The following SEMA6D variants were observed in gnomAD, a reference collection of about 807,000 sequenced individuals.
SEMA6D encodes semaphorin 6D.
A neutral mutation model predicts 106.6 loss-of-function variants in SEMA6D; 35 were observed. That is an observed-to-expected ratio of 0.33 (90% CI 0.25 to 0.44). SEMA6D has a LOEUF of 0.44. Among genes scored for constraint, SEMA6D ranks in the 20% least tolerant of loss-of-function variants. The pLI is 1.00. For missense variants in SEMA6D, 1,185 were observed against 1,345.9 expected (o/e 0.88, Z 1.87); for synonymous variants, 499 against 487.7 (o/e 1.02, Z -0.31).
rs751535636 is a variant in SEMA6D at position 47,759,757 on chromosome 15, C to T, written c.-42C>T. 1 of 1,409,860 alleles carries T rather than the reference C, an allele frequency of 7.1e-7. No homozygotes were observed. The highest frequency in any genetic ancestry group is 1.0e-6 in the Non-Finnish European group (1 of 994,026). The allele number at this position is 1,409,860 out of a possible 1,614,324, so 87.3% of individuals were successfully genotyped here. ...TTCTGTTTTCCAGGTAGCTCAGTGG[C>T]ATTTCTGAGCAGGGGCCACCCTGAC... On this transcript the variant is annotated 5_prime_UTR_variant, in exon 2 of 19. Transcript: ENST00000536845.
chr15:47,579,140 ATTTTTTT>A (rs34862760), intron 3 of SEMA6D, among the ~76,000 whole-genome samples: 1 of 129,382 alleles, frequency 7.7e-6, no homozygotes. Context: ...AGAAATCTGT[ATTTTTTT>A]TTTTTTTTTT....
At chr15:47,281,225 A>G (rs1161760274) in intron 1 of SEMA6D, among the ~76,000 whole-genome samples, 21 of 133,794 alleles carry the variant, frequency 1.6e-4, no homozygotes, top group Non-Finnish European at 3.3e-4. Context: ...TATTGGGTGC[A>G]TATATATTTA....
chr15:47,328,958 A>G lies in SEMA6D; in HGVS notation c.-238-83435A>G, dbSNP rs190943735. 3.0e-4 allele frequency among the ~76,000 whole-genome samples: 45 copies of G among 152,352 alleles called. 1 individual carries two copies. The highest frequency in any genetic ancestry group is 1.8e-3 in the Admixed American group (28 of 15,300). On this transcript the variant is annotated intron_variant, in intron 1 of 19. Transcript: ENST00000558014. ...AAGACATAGTTCATTCATCACTATA[A>G]TAAACTTTAAGCTTCTTATTTTATG...
intron 1 of SEMA6D, among the ~76,000 whole-genome samples, chr15:47,231,079 C>T (rs2032160799): frequency 6.6e-6 from 1 of 151,900 alleles, no homozygotes; most frequent in Non-Finnish European, 1.5e-5. Context: ...CCTGGCCATT[C>T]GTCTCCTCCT....
chr15:47,352,903 A>G (rs2038382075), intron 1 of SEMA6D, among the ~76,000 whole-genome samples: 1 of 152,258 alleles, frequency 6.6e-6, no homozygotes, highest in Non-Finnish European at 1.5e-5. Flanking sequence ...CAAGGCTGAT[A>G]GAATTTCATG....
intron 1 of SEMA6D, among the ~76,000 whole-genome samples, chr15:47,187,280 G>A (rs945327933): frequency 2.0e-5 from 3 of 152,254 alleles, no homozygotes; most frequent in South Asian, 4.1e-4. Flanking sequence ...TTTCAAAATA[G>A]AAATGCTAGC....
At chr15:47,582,514 G>A (rs58582321) in intron 3 of SEMA6D, among the ~76,000 whole-genome samples, 198 of 152,320 alleles carry the variant, frequency 1.3e-3, no homozygotes, top group African/African-American at 4.0e-3. Context: ...AAAAGAGGCA[G>A]CTGCCTATAG....
At chr15:47,607,602 A>C (rs1051516536) in intron 4 of SEMA6D, among the ~76,000 whole-genome samples, 4 of 152,228 alleles carry the variant, frequency 2.6e-5, no homozygotes, top group African/African-American at 9.6e-5. Context: ...GAAAAGTGCC[A>C]ATGTGTCTAA....
chr15:47,321,233 G>C (rs1046077187), intron 1 of SEMA6D, among the ~76,000 whole-genome samples: 1 of 152,192 alleles, frequency 6.6e-6, no homozygotes, highest in Admixed American at 6.5e-5. Flanking sequence ...ATTCCCGTCT[G>C]TGTGGTCTCT....
chr15:47,726,874 A>G (rs1401579898), intron 1 of SEMA6D, among the ~76,000 whole-genome samples: 2 of 152,146 alleles, frequency 1.3e-5, no homozygotes. Context: ...TTTAACTGAT[A>G]TATGTACCTT....
At chr15:47,301,943 G>T (rs1390367325) in intron 1 of SEMA6D, among the ~76,000 whole-genome samples, 1 of 152,068 alleles carries the variant, frequency 6.6e-6, no homozygotes, top group Non-Finnish European at 1.5e-5. Context: ...TTAAAATCTA[G>T]GCTTTTATTC....
chr15:47,469,899 C>T (rs1253482455), intron 2 of SEMA6D, among the ~76,000 whole-genome samples: 2 of 152,060 alleles, frequency 1.3e-5, no homozygotes, highest in Non-Finnish European at 2.9e-5. Context: ...CTTTATTTCT[C>T]CTCTCAGAAA....
intron 3 of SEMA6D, among the ~76,000 whole-genome samples, chr15:47,550,873 A>G (rs1286696206): frequency 1.3e-5 from 2 of 152,138 alleles, no homozygotes; most frequent in African/African-American, 4.8e-5. Context: ...AACATCCCCA[A>G]CTTGGGGCAA....
intron 3 of SEMA6D, among the ~76,000 whole-genome samples, chr15:47,492,590 T>C (rs2043507263): frequency 6.6e-6 from 1 of 152,198 alleles, no homozygotes; most frequent in Non-Finnish European, 1.5e-5. Context: ...AACCTGAATA[T>C]GGCTTTGTTT....
intron 11 of SEMA6D, 101 bp downstream of exon 11, chr15:47,764,406 G>T (rs2082226060): frequency 6.4e-6 from 9 of 1,414,162 alleles, no homozygotes; most frequent in Non-Finnish European, 8.6e-6. Flanking sequence ...CCCACACCAG[G>T]AAGGGGTCCC....
rs2082241829 is a variant in SEMA6D, at chr15:47,764,665, T to C, written c.1125T>C (p.Leu375=). 1.2e-6 allele frequency: 2 copies of C among 1,614,056 alleles called. No homozygotes were observed. Among genetic ancestry groups the C allele is most frequent in the Middle Eastern group, 1.7e-4 (1 of 6,052 alleles). The part of the protein sequence containing the change: ...PRPGCCAKHG[L]AEAYKTSIDF... ...CTGGCTGTTGTGCAAAACACGGCCT[T>C]GCCGAAGCTTATAAAACCTCCATCG... The change falls in exon 12 of 19, where the codon CTT becomes CTC. Residue 375 remains leucine, a synonymous_variant. Coordinates refer to ENST00000536845, the MANE Select transcript of SEMA6D (RefSeq NM_001358351.3).
chr15:47,701,136 C>G (rs906653212), intron 4 of SEMA6D, among the ~76,000 whole-genome samples: 7 of 152,130 alleles, frequency 4.6e-5, no homozygotes, highest in African/African-American at 1.7e-4. Flanking sequence ...GTGAACAGCA[C>G]AGTCAAGGGA....
chr15:47,264,418 T>C (rs1172170093), intron 1 of SEMA6D, among the ~76,000 whole-genome samples: 7 of 152,014 alleles, frequency 4.6e-5, no homozygotes, highest in Admixed American at 4.6e-4. Context: ...ACCTTGGTAA[T>C]TGAATTGCTG....
intron 2 of SEMA6D, among the ~76,000 whole-genome samples, chr15:47,440,138 GGATGAAAGCAGTGGTTTTA>G (rs2041838426): frequency 1.6e-5 from 2 of 126,214 alleles, no homozygotes; most frequent in South Asian, 2.2e-4. Flanking sequence ...GTTAGAGACT[GGATGAAAGCAGTGGTTTTA>G]GAAATAGAGG....
Sources: allele counts gnomAD v4.1 joint callset (sites outside exome capture counted in the v4.1 genomes callset), GRCh38; gene constraint gnomAD v4.1.1; transcripts MANE v1.5; gene names NCBI Gene and HGNC (gene_info 2026-07-23, HGNC 2026-07-21).